CDH13: variants seen among roughly 807,000 people sequenced by gnomAD.
CDH13 encodes cadherin 13.
A neutral mutation model predicts 63.8 loss-of-function variants in CDH13; 24 were observed. The observed-to-expected ratio is 0.38, with a 90% CI of 0.27 to 0.53. The LOEUF is 0.53. Among genes scored for constraint, CDH13 ranks in the 20% least tolerant of loss-of-function variants. The probability of loss-of-function intolerance (pLI) is 0.85; values close to 1 mark genes in which losing one functional copy is unlikely to be tolerated. For synonymous variants in CDH13, 503 were observed against 355.3 expected, an observed-to-expected ratio of 1.42 and a Z score of -4.67; for missense variants, 1,049 against 903.1, an observed-to-expected ratio of 1.16 and a Z score of -2.07.
At chr16:83,381,986 C>T (rs1453613987) in intron 6 of CDH13, among the ~76,000 whole-genome samples, 69 of 152,188 alleles carry the variant, frequency 4.5e-4, no homozygotes, top group Non-Finnish European at 4.4e-5. Context: ...CCTCTGTGGA[C>T]ACAGGAACGA....
chr16:82,892,102 T>C (rs2041100700), intron 2 of CDH13, among the ~76,000 whole-genome samples: 1 of 152,132 alleles, frequency 6.6e-6, no homozygotes, highest in Non-Finnish European at 1.5e-5. Flanking sequence ...GCTCATCCCT[T>C]TATGAGCTCA....
At chr16:83,660,936 A>T (rs1913387060) in intron 8 of CDH13, among the ~76,000 whole-genome samples, 1 of 152,358 alleles carries the variant, frequency 6.6e-6, no homozygotes, top group East Asian at 1.9e-4. Flanking sequence ...GAAGAAAAAA[A>T]AATGTAGGCA....
chr16:83,344,765 A>G, intron 5 of CDH13, 97 bp from the exon 6 acceptor site: 1 of 1,352,612 alleles, frequency 7.4e-7, no homozygotes, highest in Non-Finnish European at 1.0e-6. Flanking sequence ...AGGGCTCATA[A>G]AATTGTCGAT....
chr16:82,676,199 T>C (rs1913878396), intron 1 of CDH13, among the ~76,000 whole-genome samples: 1 of 152,206 alleles, frequency 6.6e-6, no homozygotes, highest in Non-Finnish European at 1.5e-5. Context: ...TTAGTCATCT[T>C]GGTGCTCCAG....
intron 10 of CDH13, among the ~76,000 whole-genome samples, chr16:83,746,231 G>C (rs1327864743): frequency 6.6e-6 from 1 of 152,186 alleles, no homozygotes; most frequent in Non-Finnish European, 1.5e-5. Flanking sequence ...GTTCCATCTA[G>C]AGGTCTAGGG....
intron 6 of CDH13, among the ~76,000 whole-genome samples, chr16:83,390,659 C>T (rs7200009): frequency 0.12 from 18,802 of 152,092 alleles, 1,254 homozygotes; most frequent in South Asian, 0.17. Flanking sequence ...ACAGCCATGG[C>T]CCGAGATCAG....
At chr16:82,974,920 G>A (rs758424212) in intron 2 of CDH13, among the ~76,000 whole-genome samples, 9 of 152,270 alleles carry the variant, frequency 5.9e-5, no homozygotes, top group East Asian at 3.9e-4. Flanking sequence ...TACAGCGGCC[G>A]CAGGATGCCC....
At chr16:83,014,319 T>TAAA (rs34322579) in intron 2 of CDH13, among the ~76,000 whole-genome samples, 70 of 67,674 alleles carry the variant, frequency 1.0e-3, no homozygotes, top group African/African-American at 2.3e-3. Flanking sequence ...CCCAAATCGA[T>TAAA]AAAAAAAAAA....
At chr16:83,237,340 A>G (rs531727520) in intron 5 of CDH13, among the ~76,000 whole-genome samples, 1 of 152,288 alleles carries the variant, frequency 6.6e-6, no homozygotes, top group South Asian at 2.1e-4. Flanking sequence ...GTGACCACGA[A>G]ACTAAGCTTA....
intron 4 of CDH13, among the ~76,000 whole-genome samples, chr16:83,155,790 G>A (rs1013543316): frequency 6.6e-6 from 1 of 152,202 alleles, no homozygotes. Flanking sequence ...ATACAGTGTA[G>A]TCAAGTCAAG....
chr16:83,795,186 T>C lies in CDH13; in HGVS notation c.*156T>C. The C allele has an allele frequency of 3.3e-6, 2 of 606,768 alleles. No individual in the cohort carries two copies. Among genetic ancestry groups the C allele is most frequent in the Non-Finnish European group, 5.7e-6 (2 of 347,900 alleles). 37.6% of individuals were successfully genotyped at this position (606,768 alleles called of 1,614,324 possible). A position where few individuals can be genotyped will look rare whatever the true frequency, so the allele number is the denominator to read the frequency against. On this transcript the variant is annotated 3_prime_UTR_variant, in exon 14 of 14. Transcript: ENST00000567109. ...TTATTTTCTTTACAATTTCACTTAG[T>C]CTGTACTTCATCATTTTGACAGCAT...
At chr16:82,914,233 C>T (rs551337128) in intron 2 of CDH13, among the ~76,000 whole-genome samples, 1 of 152,170 alleles carries the variant, frequency 6.6e-6, no homozygotes, top group Non-Finnish European at 1.5e-5. Context: ...TGGCCCCTCC[C>T]AGGGCCCATT....
chr16:82,932,873 C>T (rs777471435), intron 2 of CDH13, among the ~76,000 whole-genome samples: 3 of 152,082 alleles, frequency 2.0e-5, no homozygotes, highest in African/African-American at 7.2e-5. Flanking sequence ...ATGAACTTTA[C>T]TAGTAGAGAA....
intron 6 of CDH13, among the ~76,000 whole-genome samples, chr16:83,369,986 C>T (rs1269411079): frequency 1.3e-5 from 2 of 152,246 alleles, no homozygotes; most frequent in Non-Finnish European, 2.9e-5. Flanking sequence ...ACTTTGAAAA[C>T]ACAGTTGATG....
chr16:82,704,162 G>A (rs1455298805), intron 1 of CDH13, among the ~76,000 whole-genome samples: 1 of 152,112 alleles, frequency 6.6e-6, no homozygotes, highest in Non-Finnish European at 1.5e-5. Context: ...AGAGGTGGGG[G>A]TGGGCATGGG....
chr16:83,669,849 G>A (rs1258064286), intron 8 of CDH13, among the ~76,000 whole-genome samples: 1 of 152,120 alleles, frequency 6.6e-6, no homozygotes, highest in Non-Finnish European at 1.5e-5. Context: ...GCTTATTGGT[G>A]TTACTTGTTT....
chr16:83,227,279 C>T (rs1358101697), intron 5 of CDH13, among the ~76,000 whole-genome samples: 1 of 152,176 alleles, frequency 6.6e-6, no homozygotes, highest in African/African-American at 2.4e-5. Flanking sequence ...AAGTGCTGGT[C>T]TTCAGGGGTG....
chr16:83,401,804 G>A (rs897661568), intron 6 of CDH13, among the ~76,000 whole-genome samples: 2 of 152,190 alleles, frequency 1.3e-5, no homozygotes, highest in Non-Finnish European at 2.9e-5. Flanking sequence ...TGACTCTCAA[G>A]CATTCATGTA....
At chr16:83,471,436 G>T (rs149048481) in intron 6 of CDH13, among the ~76,000 whole-genome samples, 1 of 151,890 alleles carries the variant, frequency 6.6e-6, no homozygotes, top group East Asian at 1.9e-4. Context: ...CACAGCGCCC[G>T]GCTAATTTTT....
Sources: allele counts gnomAD v4.1 joint callset (sites outside exome capture counted in the v4.1 genomes callset), GRCh38; gene constraint gnomAD v4.1.1; transcripts MANE v1.5; gene names NCBI Gene and HGNC (gene_info 2026-07-23, HGNC 2026-07-21).